Variants in ZBBX observed in about 807,000 individuals in gnomAD.
ZBBX encodes the protein zinc finger B-box domain-containing protein 1.
A neutral mutation model predicts 108.5 loss-of-function variants in ZBBX; 101 were observed. That is an observed-to-expected ratio of 0.93 (90% CI 0.79 to 1.10). The LOEUF (loss-of-function observed/expected upper bound fraction) is 1.10, where lower values mean the gene tolerates loss of function less well. ZBBX is among the 50% of genes least tolerant of loss of function. The pLI is 0.00. For synonymous variants in ZBBX, 356 were observed against 323.4 expected, an observed-to-expected ratio of 1.10 and a Z score of -1.08; for missense variants, 1,009 against 941.4, an observed-to-expected ratio of 1.07 and a Z score of -0.94.
the ZBBX span, among the ~76,000 whole-genome samples, chr3:167,216,625 T>C: frequency 6.6e-6 from 1 of 152,036 alleles, no homozygotes; most frequent in Non-Finnish European, 1.5e-5. Context: ...AAAATTCTTT[T>C]AAAATTTATA....
At chr3:167,223,734 G>GT in the ZBBX span, among the ~76,000 whole-genome samples, 15 of 151,958 alleles carry the variant, frequency 9.9e-5, no homozygotes, top group Non-Finnish European at 2.2e-4. Context: ...ATTATTTTAT[G>GT]TTTTTTCTGG....
intron 1 of ZBBX, among the ~76,000 whole-genome samples, chr3:167,388,297 C>A (rs1256570506): frequency 2.6e-5 from 4 of 151,774 alleles, no homozygotes; most frequent in Non-Finnish European, 5.9e-5. Flanking sequence ...GGAGATAAGA[C>A]TATATGGAGG....
intron 20 of ZBBX, among the ~76,000 whole-genome samples, chr3:167,251,089 C>A (rs752513868): frequency 2.0e-5 from 3 of 152,154 alleles, no homozygotes; most frequent in Non-Finnish European, 2.9e-5. Context: ...AGGCCACTGA[C>A]CAGCAGGATG....
upstream of ZBBX, chr3:167,380,511 C>A (rs893523793): frequency 6.6e-6 from 1 of 152,186 alleles, no homozygotes; most frequent in Non-Finnish European, 1.5e-5. Context: ...TATGTATGTG[C>A]TAAACCTGAG....
intron 1 of ZBBX, among the ~76,000 whole-genome samples, chr3:167,394,580 A>G (rs1748174416): frequency 6.6e-6 from 1 of 151,808 alleles, no homozygotes; most frequent in South Asian, 2.1e-4. Flanking sequence ...CATTGGGAAG[A>G]GAGGTAAGAA....
rs1443435816 is a variant in ZBBX, at chr3:167,362,942, A to G, written c.274-2219T>C. Among the ~76,000 whole-genome samples the G allele has an allele frequency of 4.0e-5, 6 of 151,796 alleles. No individual in the cohort carries two copies. The East Asian group carries it at 1.2e-3, about 30-fold the overall frequency. ...CATCACATTTCTGCTTGACAGTCTT[A>G]GAGACTTCAATGCACATGTTCACCT... On this transcript the variant is annotated intron_variant, in intron 6 of 21. Coordinates refer to ENST00000675490, the MANE Select transcript of ZBBX (RefSeq NM_001199201.2).
chr3:167,282,071 G>A (rs13092775), intron 20 of ZBBX, among the ~76,000 whole-genome samples, 167 bp downstream of exon 20: 10,632 of 152,226 alleles, frequency 0.07, 464 homozygotes, highest in Non-Finnish European at 0.099. Context: ...CATATTCAGA[G>A]TGATATCGGG....
the ZBBX span, among the ~76,000 whole-genome samples, chr3:167,201,366 T>C: frequency 6.6e-6 from 1 of 152,102 alleles, no homozygotes; most frequent in African/African-American, 2.4e-5. Flanking sequence ...AGAAGTTTTT[T>C]TATTAACACA....
At chr3:167,277,848 A>C (rs1270919236) in intron 20 of ZBBX, among the ~76,000 whole-genome samples, 12 of 152,194 alleles carry the variant, frequency 7.9e-5, no homozygotes, top group Non-Finnish European at 1.6e-4. Context: ...CATACTTGGA[A>C]GTAAAGCTCT....
At chr3:167,385,028 G>C (rs558197580), upstream of ZBBX, among the ~76,000 whole-genome samples, 3 of 152,116 alleles carry the variant, frequency 2.0e-5, no homozygotes, top group Admixed American at 2.0e-4. Context: ...TCAAAAAACA[G>C]AACACTTTAT....
chr3:167,270,401 T>TGTG (rs1363571997), intron 20 of ZBBX, among the ~76,000 whole-genome samples: 1 of 152,158 alleles, frequency 6.6e-6, no homozygotes, highest in East Asian at 1.9e-4. Context: ...CAGAAAAACC[T>TGTG]GACCATCTCC....
the ZBBX span, among the ~76,000 whole-genome samples, chr3:167,180,329 G>A: frequency 8.6e-4 from 131 of 152,302 alleles, 1 homozygote; most frequent in African/African-American, 2.9e-3. Flanking sequence ...AGAGCAGGTC[G>A]TATCCAATTG....
At chr3:167,296,160 A>C (rs1731659776) in intron 18 of ZBBX, among the ~76,000 whole-genome samples, 1 of 152,058 alleles carries the variant, frequency 6.6e-6, no homozygotes, top group Non-Finnish European at 1.5e-5. Context: ...ACACATAATC[A>C]TCTCAATTTA....
At chr3:167,270,815 T>C (rs1243996313) in intron 20 of ZBBX, among the ~76,000 whole-genome samples, 2 of 152,196 alleles carry the variant, frequency 1.3e-5, no homozygotes, top group East Asian at 1.9e-4. Context: ...AAAAAGATGA[T>C]TTAACCTTAA....
intron 1 of ZBBX, among the ~76,000 whole-genome samples, chr3:167,391,540 G>C (rs946492810): frequency 2.0e-5 from 3 of 151,884 alleles, no homozygotes; most frequent in African/African-American, 7.3e-5. Flanking sequence ...CTATTGTTTG[G>C]AATAATTTCA....
Position 167,322,164 on chromosome 3 carries a change from T to A in ZBBX, c.936A>T (p.Glu312Asp). 1 of 1,442,756 alleles carries A rather than the reference T, an allele frequency of 6.9e-7. No homozygotes were observed. Among genetic ancestry groups the A allele is most frequent in the Non-Finnish European group, 9.2e-7 (1 of 1,084,188 alleles). 89.4% of individuals were successfully genotyped at this position (1,442,756 alleles called of 1,614,324 possible). Residue 312 changes from glutamate (E) to aspartate (D), a missense_variant, in exon 12 of 22, where the codon GAA (glutamate) becomes GAT (aspartate). Coordinates refer to ENST00000675490, the MANE Select transcript of ZBBX (RefSeq NM_001199201.2). ...WREPLNIELK[E>D]DILSYMEKLW... ...ATTTTTCCATATAGGATAGAATGTC[T>A]TCTTTAAGTTCAATATTAAGTGGTT... is the stretch of plus-strand genomic sequence containing the variant.
intron 4 of ZBBX, among the ~76,000 whole-genome samples, chr3:167,371,470 T>A (rs2108593586): frequency 6.6e-6 from 1 of 152,336 alleles, no homozygotes; most frequent in Middle Eastern, 3.4e-3. Context: ...CATCACACCA[T>A]GCTTCATTCT....
At chr3:167,283,149 A>G (rs1576885762) in intron 19 of ZBBX, among the ~76,000 whole-genome samples, 1 of 152,296 alleles carries the variant, frequency 6.6e-6, no homozygotes, top group Middle Eastern at 3.4e-3. Context: ...TTCCTCTAGG[A>G]CAGTCGCTAC....
chr3:167,299,891 G>A (rs940523738), intron 17 of ZBBX, among the ~76,000 whole-genome samples: 1 of 152,164 alleles, frequency 6.6e-6, no homozygotes, highest in Non-Finnish European at 1.5e-5. Context: ...TGCAAACTGT[G>A]AAGTACCAAT....
Sources: gnomAD v4.1 joint callset for allele counts (sites outside exome capture counted in the v4.1 genomes callset) on GRCh38, gnomAD v4.1.1 for gene constraint, MANE v1.5 for transcripts, NCBI Gene and HGNC (gene_info 2026-07-23, HGNC 2026-07-21) for gene names.